Variants in SLIT3 observed in about 807,000 individuals in gnomAD.
SLIT3 encodes slit guidance ligand 3.
SLIT3 carries 68 observed loss-of-function variants against 184.0 expected under a neutral mutation model. The observed-to-expected ratio is 0.37, with a 90% CI of 0.30 to 0.45. SLIT3 has a LOEUF of 0.45. Among genes scored for constraint, SLIT3 ranks in the 20% least tolerant of loss-of-function variants. SLIT3 has a pLI of 1.00. For missense variants in SLIT3, 1,707 were observed against 2,026.0 expected, an observed-to-expected ratio of 0.84 and a Z score of 3.02; for synonymous variants, 831 against 828.6, an observed-to-expected ratio of 1.00 and a Z score of -0.05.
chr5:169,042,513 T>C (rs1339113943), intron 4 of SLIT3, among the ~76,000 whole-genome samples: 3 of 152,210 alleles, frequency 2.0e-5, no homozygotes, highest in Non-Finnish European at 4.4e-5. Flanking sequence ...AGGGTTATAA[T>C]TGAGATCCTT....
intron 4 of SLIT3, among the ~76,000 whole-genome samples, chr5:169,074,908 G>T (rs1357958768): frequency 1.3e-5 from 2 of 152,114 alleles, no homozygotes; most frequent in African/African-American, 4.8e-5. Context: ...CAAGCTAACT[G>T]CTGGGAAGAC....
At chr5:168,912,415 T>C (rs1761280646) in intron 4 of SLIT3, among the ~76,000 whole-genome samples, 1 of 152,054 alleles carries the variant, frequency 6.6e-6, no homozygotes, top group Admixed American at 6.6e-5. Flanking sequence ...CGGTCAAGGG[T>C]CAAATGTATA....
rs765476608 is a variant in SLIT3, at chr5:168,844,669, G to A, written c.486-14C>T. The A allele has an allele frequency of 1.3e-5, 21 of 1,613,846 alleles. No homozygotes were observed. The highest frequency in any genetic ancestry group is 2.2e-5 in the South Asian group (2 of 91,090). ...TTGTCCAGTTGCCTGTGGAAAAGCAGGGGAGAGCATGAAGGCTGAGCGGGG... is the reference window on the plus strand; with the variant it reads ...TTGTCCAGTTGCCTGTGGAAAAGCAAGGGAGAGCATGAAGGCTGAGCGGGG... On this transcript the variant is annotated splice_polypyrimidine_tract_variant and intron_variant, in intron 5 of 35. Transcript: ENST00000519560.
rs1298804509 is a variant in SLIT3 at position 169,300,937 on chromosome 5, G to C, written c.-228C>G. On this transcript the variant is annotated 5_prime_UTR_variant, in exon 1 of 36. Transcript: ENST00000519560. This position sits in a 1 kb window ranked among gnomAD's most constrained non-coding sequence, Gnocchi z 4.1. Reference sequence around the variant, plus strand: ...CCATCGGCGGGGCCGGCGCTGCCCCGCTGCGCATCGCTGGGAGTGCCCAGG... The same window carrying C: ...CCATCGGCGGGGCCGGCGCTGCCCCCCTGCGCATCGCTGGGAGTGCCCAGG... 1.4e-5 allele frequency: 3 copies of C among 215,800 alleles called. No homozygotes were observed. The highest frequency in any genetic ancestry group is 2.7e-5 in the Non-Finnish European group (3 of 111,630). 13.4% of individuals were successfully genotyped at this position (215,800 alleles called of 1,614,324 possible). A position where few individuals can be genotyped will look rare whatever the true frequency, so the allele number is the denominator to read the frequency against.
chr5:168,833,606 G>A (rs1561957800), intron 6 of SLIT3, among the ~76,000 whole-genome samples: 2 of 152,226 alleles, frequency 1.3e-5, no homozygotes, highest in African/African-American at 2.4e-5. Flanking sequence ...AATGCAAAAC[G>A]TTCCCTCTAG....
intron 8 of SLIT3, among the ~76,000 whole-genome samples, chr5:168,816,438 T>G (rs1237737698): frequency 3.9e-5 from 6 of 152,188 alleles, no homozygotes; most frequent in African/African-American, 1.4e-4. Flanking sequence ...CCACCTGCTT[T>G]GGCCTCCCAA....
At chr5:169,172,875 T>G (rs1188480888) in intron 4 of SLIT3, among the ~76,000 whole-genome samples, 2 of 152,144 alleles carry the variant, frequency 1.3e-5, no homozygotes. Flanking sequence ...TGGCTGATGC[T>G]CAATAATAGT....
rs544455721 is a variant in SLIT3, at chr5:168,677,509, C to T, written c.3687-4178G>A. ...TGTTGCCCAGGCTGGAATACATTGG[C>T]GTGATCTCAGCTCACTGCAACCTCC... is the stretch of plus-strand genomic sequence containing the variant. On this transcript the variant is annotated intron_variant, in intron 32 of 35. Coordinates refer to ENST00000519560, the MANE Select transcript of SLIT3 (RefSeq NM_003062.4). Among the ~76,000 whole-genome samples the T allele has an allele frequency of 8.6e-4, 131 of 152,228 alleles. 2 individuals are homozygous for T. Among genetic ancestry groups the T allele is most frequent in the African/African-American group, 2.8e-3 (116 of 41,530 alleles).
rs147616436 is a variant in SLIT3 at position 168,724,484 on chromosome 5, C to T, written c.2271G>A (p.Leu757=). The T allele has an allele frequency of 6.2e-6, 10 of 1,612,408 alleles. No homozygotes were observed. The highest frequency in any genetic ancestry group is 8.5e-6 in the Non-Finnish European group (10 of 1,179,102). ...PRGMPKDVTE[L]YLEGNHLTAV... is the part of the protein sequence containing the mutation. ...CTGTTAGGTGGTTTCCTTCCAGGTA[C>T]CTGAAAGAGGTGTGGAGAGACAACA... is the stretch of plus-strand genomic sequence containing the variant. The change falls in exon 21 of 36, where the codon CTG becomes CTA. Residue 757 remains leucine, a splice_region_variant and synonymous_variant. Coordinates refer to ENST00000519560, the MANE Select transcript of SLIT3 (RefSeq NM_003062.4).
intron 4 of SLIT3, chr5:168,994,126 T>A (rs1047765417): frequency 2.0e-5 from 3 of 152,238 alleles, no homozygotes; most frequent in African/African-American, 7.2e-5. Flanking sequence ...GCAGACACCC[T>A]TGTCCTAGAG....
chr5:168,796,387 C>T (rs1253797668), intron 9 of SLIT3, among the ~76,000 whole-genome samples: 1 of 152,164 alleles, frequency 6.6e-6, no homozygotes, highest in Non-Finnish European at 1.5e-5. Context: ...TTCCTGTCAC[C>T]AAGAACAGGT....
chr5:168,951,359 C>T (rs527687967), intron 4 of SLIT3, among the ~76,000 whole-genome samples: 1 of 152,292 alleles, frequency 6.6e-6, no homozygotes, highest in Non-Finnish European at 1.5e-5. Flanking sequence ...GTCCCTTTAT[C>T]TCAGGAGATA....
chr5:169,127,172 A>G (rs189290560), intron 4 of SLIT3, among the ~76,000 whole-genome samples: 100 of 152,342 alleles, frequency 6.6e-4, no homozygotes, highest in African/African-American at 2.4e-3. Context: ...AATGTTTTAT[A>G]TGAGGCTAAG....
chr5:169,243,869 G>A (rs1019030120), intron 3 of SLIT3, among the ~76,000 whole-genome samples: 3 of 152,224 alleles, frequency 2.0e-5, no homozygotes, highest in African/African-American at 4.8e-5. Context: ...TTTGAAGAGA[G>A]CCACCCACCA....
intron 6 of SLIT3, among the ~76,000 whole-genome samples, chr5:168,841,632 C>T (rs925176461): frequency 3.9e-5 from 6 of 152,310 alleles, no homozygotes; most frequent in African/African-American, 1.4e-4. Flanking sequence ...CTCAGGCTCA[C>T]CTCCAATGTT....
intron 3 of SLIT3, among the ~76,000 whole-genome samples, chr5:169,233,529 C>A (rs1263077534): frequency 6.6e-6 from 1 of 151,764 alleles, no homozygotes; most frequent in Admixed American, 6.6e-5. Context: ...TGGGTTGATA[C>A]ATGCAGCCTT....
chr5:169,225,742 A>G (rs1764785382), intron 3 of SLIT3, among the ~76,000 whole-genome samples: 1 of 152,196 alleles, frequency 6.6e-6, no homozygotes, highest in South Asian at 2.1e-4. Flanking sequence ...TGATTTCCCA[A>G]TAGAGGGAAA....
chr5:168,966,151 C>T (rs1034037083), intron 4 of SLIT3, among the ~76,000 whole-genome samples: 1 of 152,168 alleles, frequency 6.6e-6, no homozygotes, highest in African/African-American at 2.4e-5. Context: ...GAATTAAACT[C>T]TACAGTTATC....
intron 14 of SLIT3, among the ~76,000 whole-genome samples, chr5:168,765,477 A>G (rs17070433): frequency 0.11 from 17,136 of 152,176 alleles, 1,094 homozygotes; most frequent in African/African-American, 0.17. Context: ...GCGTATGTAC[A>G]TAACCGAAAA....
Sources: gnomAD v4.1 joint callset for allele counts (sites outside exome capture counted in the v4.1 genomes callset) on GRCh38, gnomAD v4.1.1 for gene constraint, Gnocchi (gnomAD v3.1) non-coding constraint, MANE v1.5 for transcripts, NCBI Gene and HGNC (gene_info 2026-07-23, HGNC 2026-07-21) for gene names.